The following GDF3 variants were observed in gnomAD, a reference collection of about 807,000 sequenced individuals.
The protein encoded by GDF3 is growth differentiation factor 3.
GDF3 carries 10 observed loss-of-function variants against 10.2 expected under a neutral mutation model. The ratio of observed to expected loss-of-function variants is 0.98; its 90% confidence interval spans 0.60 to 1.66. The LOEUF (loss-of-function observed/expected upper bound fraction) is 1.66. GDF3 is among the 40% of genes most tolerant of loss of function. The pLI is 0.00. For synonymous variants in GDF3, 166 were observed against 178.5 expected, an observed-to-expected ratio of 0.93 and a Z score of 0.56; for missense variants, 450 against 438.3, an observed-to-expected ratio of 1.03 and a Z score of -0.24.
chr12:7,693,279 A>G (rs566620733), intron 1 of GDF3, among the ~76,000 whole-genome samples: 17 of 151,506 alleles, frequency 1.1e-4, no homozygotes, highest in Non-Finnish European at 2.2e-4. Flanking sequence ...CTTGGCTCAC[A>G]GCAACCTCTG....
rs1402561130 is a variant in GDF3, at chr12:7,690,621, C to A, written c.352G>T (p.Glu118Ter). The change falls in exon 2 of 2, where the codon GAA (glutamate) becomes TAA (stop). Residue 118 changes from glutamate to a stop codon, truncating the protein, a stop_gained. Coordinates refer to ENST00000329913, the MANE Select transcript of GDF3 (RefSeq NM_020634.3). LOFTEE classifies it low-confidence loss of function (END_TRUNC). ...TGGGCCAATGTCAACTGTTCCCTTTCTTTGATGGCAGACAGGTTAAAGTAG... is the reference window on the plus strand; with the variant it reads ...TGGGCCAATGTCAACTGTTCCCTTTATTTGATGGCAGACAGGTTAAAGTAG... ...LLYFNLSAIK[E>*]REQLTLAQLG... 1 of 1,608,848 alleles carries A rather than the reference C, an allele frequency of 6.2e-7. No individual in the cohort carries two copies. The highest frequency in any genetic ancestry group is 8.5e-7 in the Non-Finnish European group (1 of 1,178,460).
At chr12:7,692,693 G>C (rs1436056680) in intron 1 of GDF3, among the ~76,000 whole-genome samples, 1 of 151,766 alleles carries the variant, frequency 6.6e-6, no homozygotes, top group African/African-American at 2.4e-5. Context: ...TAGTAGAGAC[G>C]GGGTTTCACC....
At chr12:7,692,508 A>G (rs1383160260) in intron 1 of GDF3, among the ~76,000 whole-genome samples, 3 of 145,848 alleles carry the variant, frequency 2.1e-5, no homozygotes, top group Non-Finnish European at 3.0e-5. Context: ...GATTGGCTTT[A>G]ATTTTTTTTT....
chr12:7,692,452 A>G (rs1592073487), intron 1 of GDF3, among the ~76,000 whole-genome samples: 1 of 149,774 alleles, frequency 6.7e-6, no homozygotes, highest in South Asian at 2.1e-4. Context: ...AAAAAAAAAT[A>G]GCAACCTAGA....
intron 1 of GDF3, among the ~76,000 whole-genome samples, chr12:7,691,006 C>T (rs1480890660): frequency 6.6e-6 from 1 of 151,982 alleles, no homozygotes; most frequent in African/African-American, 2.4e-5. Flanking sequence ...AAAAATTAGC[C>T]AGGCGTGGTG....
chr12:7,692,490 A>G lies in GDF3; in HGVS notation c.269-1786T>C, dbSNP rs367875769. ...GTCAGGTGTTGTTGGCCAAAGTCCA[A>G]TCATTCAGATTGGCTTTAATTTTTT... On this transcript the variant is annotated intron_variant, in intron 1 of 1. Transcript: ENST00000329913. 2.4e-3 allele frequency among the ~76,000 whole-genome samples: 355 copies of G among 149,840 alleles called. 1 individual carries two copies. Among genetic ancestry groups the G allele is most frequent in the South Asian group, 0.021 (102 of 4,760 alleles).
In GDF3 at chr12:7,690,698, A is replaced by G. The variant is rs760842902; in HGVS notation, c.275T>C (p.Phe92Ser). 1 of 1,582,244 alleles carries G rather than the reference A, an allele frequency of 6.3e-7. No individual in the cohort carries two copies. Among genetic ancestry groups the G allele is most frequent in the Non-Finnish European group, 8.7e-7 (1 of 1,151,076 alleles). ...VLRFLPDQGFFLYPKKISQAS... is the reference protein window; with the variant it reads ...VLRFLPDQGFSLYPKKISQAS... ...TTGGGAAATTTTCTTTGGGTAAAGA[A>G]AGAAACCTAGATGGGAAAAGAGACA... is the stretch of plus-strand genomic sequence containing the variant. The change falls in exon 2 of 2, where the codon TTT becomes TCT. Residue 92 changes from phenylalanine to serine, a missense_variant. Transcript: ENST00000329913.
rs775410550 is a variant in GDF3 at position 7,690,181 on chromosome 12, G to A, written c.792C>T (p.Cys264=). 1 of 1,614,150 alleles carries A rather than the reference G, an allele frequency of 6.2e-7. No homozygotes were observed. The highest frequency in any genetic ancestry group is 1.1e-5 in the South Asian group (1 of 91,070). ...AGTTAATGAATAGCTGGTGACGGTG[G>A]CAGAGGTTCTTACAAGAAAGCTTGG... ...PVPKLSCKNL[C]HRHQLFINFR... Residue 264 remains cysteine (C), a synonymous_variant, in exon 2 of 2, where the codon TGC becomes TGT. Coordinates refer to ENST00000329913, the MANE Select transcript of GDF3 (RefSeq NM_020634.3).
At chr12:7,691,985 C>A (rs1046544826) in intron 1 of GDF3, among the ~76,000 whole-genome samples, 7 of 148,844 alleles carry the variant, frequency 4.7e-5, no homozygotes, top group African/African-American at 7.4e-5. Flanking sequence ...CCAGCCTGGG[C>A]GACAGAGCAA....
In GDF3 at chr12:7,690,083, C is replaced by T; in HGVS notation, c.890G>A (p.Cys297Tyr). The T allele has an allele frequency of 6.2e-7, 1 of 1,614,082 alleles. No homozygotes were observed. The highest frequency in any genetic ancestry group is 1.1e-5 in the South Asian group (1 of 91,076). The part of the protein sequence containing the change: ...GFMANYCHGE[C>Y]PFSLTISLNS... ...GAGAGAGATGGTCAGTGAGAAGGGA[C>T]ACTCTCCATGGCAGTAATTTGCCAT... Residue 297 changes from cysteine (C) to tyrosine (Y), a missense_variant, in exon 2 of 2, where the codon TGT (cysteine) becomes TAT (tyrosine). Physicochemically the swap from Cys to Tyr is radical, Grantham distance 194 (BLOSUM62 -2). Coordinates refer to ENST00000329913, the MANE Select transcript of GDF3 (RefSeq NM_020634.3).
Position 7,690,343 on chromosome 12 carries a change from TC to T in GDF3, c.629del (p.Arg210LysfsTer5), listed in dbSNP as rs1489115606. 1 of 1,614,082 alleles carries T rather than the reference TC, an allele frequency of 6.2e-7. No homozygotes were observed. Among genetic ancestry groups the T allele is most frequent in the Non-Finnish European group, 8.5e-7 (1 of 1,179,956 alleles). The stretch of plus-strand genomic sequence containing the variant: ...CAGGCTGAAAATTCACCCCTGAGTC[TC>T]TATCTTCTTTGACCAGTATCTCCAG... ...LFLEILVKED[R>X]DSGVNFQPED... On this transcript the variant is annotated frameshift_variant, in exon 2 of 2. Transcript: ENST00000329913. LOFTEE classifies it low-confidence loss of function (END_TRUNC).
Position 7,690,331 on chromosome 12 carries a change from C to T in GDF3, c.642G>A (p.Val214=), listed in dbSNP as rs149033500. 1.2e-6 allele frequency: 2 copies of T among 1,614,098 alleles called. No homozygotes were observed. The highest frequency in any genetic ancestry group is 1.7e-5 in the Admixed American group (1 of 59,982). The change falls in exon 2 of 2, where the codon GTG becomes GTA. Residue 214 remains valine (V), a synonymous_variant. Coordinates refer to ENST00000329913, the MANE Select transcript of GDF3 (RefSeq NM_020634.3). The part of the protein sequence containing the change: ...ILVKEDRDSG[V]NFQPEDTCAR... The stretch of plus-strand genomic sequence containing the variant: ...CACAGGTGTCTTCAGGCTGAAAATT[C>T]ACCCCTGAGTCTCTATCTTCTTTGA...
In GDF3 at chr12:7,690,177, G is replaced by A. The variant is rs140926412; in HGVS notation, c.796C>T (p.Arg266Cys). 2.5e-3 allele frequency: 4,046 copies of A among 1,614,130 alleles called. 10 individuals are homozygous for A. Among genetic ancestry groups the A allele is most frequent in the Non-Finnish European group, 2.9e-3 (3,480 of 1,180,026 alleles). The change falls in exon 2 of 2, where the codon CGT becomes TGT. Residue 266 changes from arginine to cysteine, a missense_variant. Coordinates refer to ENST00000329913, the MANE Select transcript of GDF3 (RefSeq NM_020634.3). Reference sequence around the variant, plus strand: ...CGGAAGTTAATGAATAGCTGGTGACGGTGGCAGAGGTTCTTACAAGAAAGC... The same window carrying A: ...CGGAAGTTAATGAATAGCTGGTGACAGTGGCAGAGGTTCTTACAAGAAAGC... ...PKLSCKNLCHRHQLFINFRDL... is the reference protein window; with the variant it reads ...PKLSCKNLCHCHQLFINFRDL...
At chr12:7,692,084 T>G (rs1428180262) in intron 1 of GDF3, among the ~76,000 whole-genome samples, 1 of 152,118 alleles carries the variant, frequency 6.6e-6, no homozygotes, top group Non-Finnish European at 1.5e-5. Context: ...AATTGGTTTC[T>G]TTTGAAATCC....
Position 7,689,918 on chromosome 12 carries a change from T to C in GDF3, c.1055A>G (p.His352Arg). The change falls in exon 2 of 2, where the codon CAT becomes CGT. Residue 352 changes from histidine (H) to arginine (R), a missense_variant. Coordinates refer to ENST00000329913, the MANE Select transcript of GDF3 (RefSeq NM_020634.3). ...QDNNDNVILR[H>R]YEDMVVDECG... is the part of the protein sequence containing the mutation. ...TTCATCGACTACCATGTCTTCATAA[T>C]GTCGTAGAATGACATTGTCATTATT... 1.2e-6 allele frequency: 2 copies of C among 1,613,726 alleles called. No individual in the cohort carries two copies. Among genetic ancestry groups the C allele is most frequent in the Non-Finnish European group, 1.7e-6 (2 of 1,179,612 alleles).
chr12:7,692,481 C>A (rs1214530435), intron 1 of GDF3, among the ~76,000 whole-genome samples: 1 of 149,494 alleles, frequency 6.7e-6, no homozygotes, highest in Non-Finnish European at 1.5e-5. Context: ...TGTTGTTGGC[C>A]AAAGTCCAAT....
At chr12:7,695,399 C>A in intron 1 of GDF3, 62 bp downstream of exon 1, 1 of 1,466,190 alleles carries the variant, frequency 6.8e-7, no homozygotes, top group Non-Finnish European at 9.6e-7. Context: ...TCCTATTGTC[C>A]TTTCCTTTCT....
At chr12:7,694,299 A>G (rs1298125333) in intron 1 of GDF3, among the ~76,000 whole-genome samples, 1 of 152,148 alleles carries the variant, frequency 6.6e-6, no homozygotes, top group African/African-American at 2.4e-5. Flanking sequence ...GCGGTGGCTC[A>G]GGCCTGTAAT....
In GDF3 at chr12:7,695,497, C is replaced by G. The variant is rs780787386; in HGVS notation, c.232G>C (p.Val78Leu). 11 of 1,614,070 alleles carry G rather than the reference C, an allele frequency of 6.8e-6. No homozygotes were observed. Among genetic ancestry groups the G allele is most frequent in the Middle Eastern group, 1.7e-4 (1 of 6,060 alleles). ...AGAAAGCGAAGTACATTCCCGCGGA[C>G]GCCCAGCTCCTTTACGTAGCATAAG... is the stretch of plus-strand genomic sequence containing the variant. ...RDLCYVKELG[V>L]RGNVLRFLPD... is the part of the protein sequence containing the mutation. The change falls in exon 1 of 2, where the codon GTC (valine) becomes CTC (leucine). Residue 78 changes from valine (V) to leucine (L), a missense_variant. Val to Leu is a conservative substitution (Grantham distance 32). Transcript: ENST00000329913.
Sources: gnomAD v4.1 joint callset for allele counts (sites outside exome capture counted in the v4.1 genomes callset) on GRCh38, gnomAD v4.1.1 for gene constraint, MANE v1.5 for transcripts, NCBI Gene and HGNC (gene_info 2026-07-23, HGNC 2026-07-21) for gene names.